SGSM3: variants seen among roughly 807,000 people sequenced by gnomAD.
SGSM3 encodes the protein RUN and SH3 containing 3.
Under a neutral mutation model 100.5 loss-of-function variants are expected in SGSM3, and 96 were observed. That is an observed-to-expected ratio of 0.96 (90% CI 0.81 to 1.13). The LOEUF (loss-of-function observed/expected upper bound fraction) is 1.13, where lower values mean the gene tolerates loss of function less well. Among genes scored for constraint, SGSM3 ranks in the 50% most tolerant of loss-of-function variants. The pLI, the probability that SGSM3 is intolerant of heterozygous loss-of-function variation, is 0.00. For missense variants in SGSM3, 1,001 were observed against 1,015.8 expected (o/e 0.99, Z 0.20); for synonymous variants, 483 against 422.8 (o/e 1.14, Z -1.75).
At chr22:40,371,265 C>G (rs1346947559) in intron 1 of SGSM3, among the ~76,000 whole-genome samples, 2 of 152,170 alleles carry the variant, frequency 1.3e-5, no homozygotes, top group South Asian at 4.1e-4. Context: ...GAAAATTATT[C>G]TCATACTTAG....
Position 40,406,106 on chromosome 22 carries a change from C to T in SGSM3, c.843C>T (p.Phe281=). The part of the protein sequence containing the change: ...IELSLITLHW[F]LTAFASVVDI... Reference sequence around the variant, plus strand: ...TGTCCCTGATCACACTGCACTGGTTCCTCACGGCCTTCGCCAGCGTGGTGG... The same window carrying T: ...TGTCCCTGATCACACTGCACTGGTTTCTCACGGCCTTCGCCAGCGTGGTGG... The change falls in exon 9 of 22, where the codon TTC becomes TTT. Residue 281 remains phenylalanine, a synonymous_variant. Transcript: ENST00000248929. 1.2e-6 allele frequency: 2 copies of T among 1,614,098 alleles called. No homozygotes were observed. Among genetic ancestry groups the T allele is most frequent in the Non-Finnish European group, 1.7e-6 (2 of 1,180,020 alleles).
intron 15 of SGSM3, 42 bp downstream of exon 15, chr22:40,408,162 A>G: frequency 6.2e-7 from 1 of 1,610,620 alleles, no homozygotes; most frequent in Non-Finnish European, 8.5e-7. Context: ...GCACCCTTCT[A>G]GCCAGGGCCT....
At chr22:40,396,970 A>G (rs1601966828) in intron 1 of SGSM3, among the ~76,000 whole-genome samples, 2 of 152,350 alleles carry the variant, frequency 1.3e-5, no homozygotes, top group Admixed American at 6.5e-5. Flanking sequence ...GAGCTCCTCA[A>G]AGGTTCCTAA....
intron 10 of SGSM3, 107 bp from the exon 11 acceptor site, chr22:40,406,910 G>C: frequency 8.6e-7 from 1 of 1,168,734 alleles, no homozygotes; most frequent in South Asian, 1.3e-5. Flanking sequence ...TTCAATTCTT[G>C]GAGCCAGCGT....
chr22:40,405,246 C>T lies in SGSM3; in HGVS notation c.580C>T (p.Leu194Phe). The T allele has an allele frequency of 6.4e-7, 1 of 1,554,308 alleles. No homozygotes were observed. The highest frequency in any genetic ancestry group is 8.7e-7 in the Non-Finnish European group (1 of 1,149,704). ...CAGGGTGCTCCGGGCCCTGGCCTGG[C>T]TCTACCCAGAGATCGGCTACTGCCA... ...LRRVLRALAWLYPEIGYCQGT... is the reference protein window; with the variant it reads ...LRRVLRALAWFYPEIGYCQGT... Residue 194 changes from leucine to phenylalanine, a missense_variant, in exon 7 of 22, where the codon CTC becomes TTC. Transcript: ENST00000248929.
rs368617746 is a variant in SGSM3 at position 40,399,177 on chromosome 22, G to T, written c.-111-1519G>T. Among the ~76,000 whole-genome samples, 79 of 141,458 alleles carry T rather than the reference G, an allele frequency of 5.6e-4. 7 individuals carry two copies. In the South Asian group the frequency reaches 0.017, roughly 30 times the overall value. The allele number at this position is 141,458 out of a possible 152,430, so 92.8% of individuals were successfully genotyped here. On this transcript the variant is annotated intron_variant, in intron 1 of 21. Transcript: ENST00000248929. ...TTTTTTGTATTTTTAGTAGAGACAG[G>T]GTTTCACCATGGTGGCCAAGCTGGT...
chr22:40,389,600 GAAAAAAAAA>G (rs71326802), intron 1 of SGSM3, among the ~76,000 whole-genome samples: 2 of 33,644 alleles, frequency 5.9e-5, no homozygotes, highest in East Asian at 2.2e-3. Flanking sequence ...CTCCGTCTCA[GAAAAAAAAA>G]AAAAAAAAAA....
rs2050796389 is a variant in SGSM3 at position 40,401,826 on chromosome 22, G to T, written c.90+151G>T. The stretch of plus-strand genomic sequence containing the variant: ...ATGGTATCTTAGCCCCATGTTTCCT[G>T]TGTGAATCAACCACTGTGGCACTAT... On this transcript the variant is annotated intron_variant, in intron 3 of 21. Coordinates refer to ENST00000248929, the MANE Select transcript of SGSM3 (RefSeq NM_015705.6). The T allele has an allele frequency of 1.4e-5, 10 of 691,420 alleles. No homozygotes were observed. In the South Asian group the frequency reaches 1.6e-4, roughly 11 times the overall value. 42.8% of individuals were successfully genotyped at this position (691,420 alleles called of 1,614,324 possible).
At chr22:40,389,916 G>GAAAAAAAAAAAAAAAAAAAAAAAAA (rs34606137) in intron 1 of SGSM3, among the ~76,000 whole-genome samples, 6 of 104,936 alleles carry the variant, frequency 5.7e-5, no homozygotes, top group Non-Finnish European at 1.0e-4. Flanking sequence ...AAAAAAAAAA[G>GAAAAAAAAAAAAAAAAAAAAAAAAA]AAAAAAAAAA....
Position 40,407,512 on chromosome 22 carries a change from G to C in SGSM3, c.1468G>C (p.Asp490His). 1 of 1,609,810 alleles carries C rather than the reference G, an allele frequency of 6.2e-7. No homozygotes were observed. The highest frequency in any genetic ancestry group is 1.6e-4 in the Middle Eastern group (1 of 6,062). Residue 490 changes from aspartate to histidine, a missense_variant, in exon 13 of 22, where the codon GAC becomes CAC. By Grantham distance (81) the Asp-to-His change is moderately conservative. Transcript: ENST00000248929. This position sits in a 1 kb window ranked among gnomAD's most constrained non-coding sequence, Gnocchi z 4.7. ...CCGGCGCCGAGCCAAGGCCCTGCTG[G>C]ACTTTGAGCGGCACGACGACGACGA... ...SHRRRAKALL[D>H]FERHDDDELG...
intron 16 of SGSM3, 65 bp from the exon 17 acceptor site, chr22:40,408,562 G>A (rs371757867): frequency 5.4e-5 from 86 of 1,599,212 alleles, no homozygotes; most frequent in African/African-American, 4.2e-4. Context: ...GTGCCCAGTC[G>A]GCCCCAAGGG....
intron 1 of SGSM3, among the ~76,000 whole-genome samples, chr22:40,387,733 C>G (rs922765996): frequency 6.6e-6 from 1 of 152,130 alleles, no homozygotes; most frequent in Non-Finnish European, 1.5e-5. Flanking sequence ...CTTTCCTTAT[C>G]CTTTCCGGAA....
In SGSM3 at chr22:40,407,936, C is replaced by G. The variant is rs2051857907; in HGVS notation, c.1579+93C>G. On this transcript the variant is annotated intron_variant, in intron 14 of 21. Coordinates refer to ENST00000248929, the MANE Select transcript of SGSM3 (RefSeq NM_015705.6). The surrounding 1 kb of genome is among the most constrained non-coding windows in gnomAD (Gnocchi z 4.7). ...CCCTGGCCGCCACCAAGCTGTTCTC[C>G]TCTATACACCTGCCTGGCTTGAGGT... The G allele has an allele frequency of 5.5e-6, 8 of 1,455,154 alleles. No homozygotes were observed. In the East Asian group the frequency reaches 1.8e-4, roughly 33 times the overall value. 90.1% of individuals were successfully genotyped at this position (1,455,154 alleles called of 1,614,324 possible). A position where few individuals can be genotyped will look rare whatever the true frequency, so the allele number is the denominator to read the frequency against.
chr22:40,409,462 T>G lies in SGSM3; in HGVS notation c.2112-3T>G. ...AGCCTTACCACCCCTTCCTCACCTC[T>G]AGAGTCCTCTGCTGCTTTGCCTTCA... On this transcript the variant is annotated splice_region_variant and splice_polypyrimidine_tract_variant and intron_variant, in intron 20 of 21. Transcript: ENST00000248929. The G allele has an allele frequency of 6.3e-7, 1 of 1,579,746 alleles. No individual in the cohort carries two copies.
Position 40,409,703 on chromosome 22 carries a change from G to GGCGT in SGSM3, c.2195_2198dup (p.Asp735ProfsTer30). 6.2e-7 allele frequency: 1 copy of GGCGT among 1,613,122 alleles called. No homozygotes were observed. Among genetic ancestry groups the GGCGT allele is most frequent in the Non-Finnish European group, 8.5e-7 (1 of 1,179,790 alleles). The stretch of plus-strand genomic sequence containing the variant: ...GCAGGCGCAGCAGCCCCTGAAGGAG[G>GGCGT]GCGTCCGGGACATGCTGGTGAAGCA... On this transcript the variant is annotated frameshift_variant, in exon 22 of 22. Transcript: ENST00000248929. LOFTEE classifies it high-confidence loss of function.
At chr22:40,409,608 T>G in intron 21 of SGSM3, 74 bp from the exon 22 acceptor site, 1 of 1,613,348 alleles carries the variant, frequency 6.2e-7, no homozygotes, top group South Asian at 1.1e-5. Context: ...GAACCCGAAG[T>G]GCTGGTGTCA....
chr22:40,372,883 G>GTT (rs1433041096), intron 1 of SGSM3: 1 of 152,194 alleles, frequency 6.6e-6, no homozygotes, highest in Non-Finnish European at 1.5e-5. Context: ...TTACTCTCCA[G>GTT]ATAGCCTGTT....
In SGSM3 at chr22:40,407,197, C is replaced by T. The variant is rs1188211949; in HGVS notation, c.1241-4C>T. On this transcript the variant is annotated splice_region_variant and splice_polypyrimidine_tract_variant and intron_variant, in intron 11 of 21. Transcript: ENST00000248929. The surrounding 1 kb of genome is among the most constrained non-coding windows in gnomAD (Gnocchi z 4.7). The stretch of plus-strand genomic sequence containing the variant: ...TGGTCACCATGGTTCTCTGGGCCTC[C>T]TAGGGGAGGATGACCTGGAGGCACT... 2 of 1,613,472 alleles carry T rather than the reference C, an allele frequency of 1.2e-6. No individual in the cohort carries two copies. The highest frequency in any genetic ancestry group is 1.7e-5 in the Admixed American group (1 of 60,016).
intron 1 of SGSM3, among the ~76,000 whole-genome samples, chr22:40,398,025 T>C (rs1360983164): frequency 1.4e-5 from 2 of 147,422 alleles, no homozygotes; most frequent in Non-Finnish European, 3.0e-5. Context: ...TGGAATGCAG[T>C]GGCGCCATCT....
Sources: allele counts gnomAD v4.1 joint callset (sites outside exome capture counted in the v4.1 genomes callset), GRCh38; gene constraint gnomAD v4.1.1; non-coding constraint Gnocchi (gnomAD v3.1); transcripts MANE v1.5; gene names NCBI Gene and HGNC (gene_info 2026-07-23, HGNC 2026-07-21).